WASL: variants seen among roughly 807,000 people sequenced by gnomAD.
WASL encodes WASP like actin nucleation promoting factor, also known as actin nucleation-promoting factor WASL.
A neutral mutation model predicts 55.5 loss-of-function variants in WASL; 20 were observed. The ratio of observed to expected loss-of-function variants is 0.36; its 90% CI spans 0.25 to 0.52. WASL has a LOEUF of 0.52. Ranked by LOEUF, WASL falls within the 20% of genes least tolerant of loss-of-function variation. The pLI is 0.92. For synonymous variants in WASL, 249 were observed against 217.6 expected, an observed-to-expected ratio of 1.14 and a Z score of -1.27; for missense variants, 504 against 622.5, an observed-to-expected ratio of 0.81 and a Z score of 2.03.
intron 1 of WASL, among the ~76,000 whole-genome samples, chr7:123,725,022 G>C (rs568478535): frequency 3.4e-4 from 52 of 152,124 alleles, no homozygotes; most frequent in African/African-American, 1.2e-3. Flanking sequence ...CCAATAGAAG[G>C]AAGTAGTGAG....
chr7:123,731,643 TAACA>T (rs1383019257), intron 1 of WASL, among the ~76,000 whole-genome samples: 1 of 152,072 alleles, frequency 6.6e-6, no homozygotes, highest in East Asian at 1.9e-4. Context: ...TATAAATCAG[TAACA>T]GACAGGAAAA....
intron 5 of WASL, among the ~76,000 whole-genome samples, chr7:123,700,384 C>T (rs1803568220): frequency 6.6e-6 from 1 of 151,262 alleles, no homozygotes; most frequent in Admixed American, 6.6e-5. Context: ...GTGACAGAAG[C>T]AAAAGTGTAT....
intron 10 of WASL, 49 bp downstream of exon 10, chr7:123,688,993 G>A (rs780449882): frequency 1.7e-5 from 24 of 1,429,844 alleles, no homozygotes; most frequent in African/African-American, 1.1e-4. Flanking sequence ...AAACACACAC[G>A]CACACTCTCT....
chr7:123,707,780 C>T (rs550953232), intron 2 of WASL, among the ~76,000 whole-genome samples: 2 of 152,238 alleles, frequency 1.3e-5, no homozygotes, highest in African/African-American at 4.8e-5. Context: ...ATGTGTTCCC[C>T]ACCCCCCAGA....
At chr7:123,687,447 C>T (rs996489609) in intron 10 of WASL, among the ~76,000 whole-genome samples, 4 of 152,132 alleles carry the variant, frequency 2.6e-5, no homozygotes, top group Non-Finnish European at 4.4e-5. Flanking sequence ...GTTTCTCAAC[C>T]TCACAGACTT....
chr7:123,704,164 A>AT (rs759507258), intron 5 of WASL, among the ~76,000 whole-genome samples: 19 of 152,290 alleles, frequency 1.2e-4, no homozygotes, highest in Non-Finnish European at 1.8e-4. Context: ...GTAGGTGTTC[A>AT]TTTTGAAAGG....
At chr7:123,720,650 ATT>A (rs374915810) in intron 1 of WASL, among the ~76,000 whole-genome samples, 22 of 137,406 alleles carry the variant, frequency 1.6e-4, no homozygotes, top group Non-Finnish European at 1.9e-4. Context: ...ACACTGTGGG[ATT>A]TTTTTTTTTT....
At chr7:123,719,400 A>C (rs759573267) in intron 1 of WASL, among the ~76,000 whole-genome samples, 4 of 152,188 alleles carry the variant, frequency 2.6e-5, no homozygotes, top group Non-Finnish European at 5.9e-5. Context: ...GTCACTGTTC[A>C]AACTTCAGCT....
chr7:123,685,078 CCTG>C (rs1251533847), intron 10 of WASL, among the ~76,000 whole-genome samples: 2 of 151,880 alleles, frequency 1.3e-5, no homozygotes, highest in African/African-American at 4.8e-5. Context: ...AATTATCAAG[CCTG>C]CTCTTTTTCA....
chr7:123,689,253 CA>C, intron 9 of WASL, 103 bp from the exon 10 acceptor site: 1 of 892,030 alleles, frequency 1.1e-6, no homozygotes. Flanking sequence ...TTGTAAAAGA[CA>C]AAAAAGATAT....
chr7:123,730,934 ATCT>A (rs1804126658), intron 1 of WASL, among the ~76,000 whole-genome samples: 1 of 152,120 alleles, frequency 6.6e-6, no homozygotes, highest in Non-Finnish European at 1.5e-5. Flanking sequence ...TAGTTTTTAA[ATCT>A]TCATCCTTCT....
At chr7:123,708,038 T>G (rs902716925) in intron 2 of WASL, among the ~76,000 whole-genome samples, 2 of 151,948 alleles carry the variant, frequency 1.3e-5, no homozygotes, top group Admixed American at 6.6e-5. Context: ...ATACAAAAAT[T>G]AGCCAGGTGT....
chr7:123,692,407 C>T lies in WASL; in HGVS notation c.1287G>A (p.Val429=), dbSNP rs371098145. Residue 429 remains valine, a synonymous_variant, in exon 9 of 11, where the codon GTG becomes GTA. Transcript: ENST00000223023. ...LKKVEQNSRP[V]SCSGRDALLD... The stretch of plus-strand genomic sequence containing the variant: ...ACAGTGCATCTCGTCCAGAGCAGGA[C>T]ACTGGCCGACTGTTCTGCTCCACTT... The T allele has an allele frequency of 2.6e-5, 42 of 1,613,828 alleles. No homozygotes were observed. The highest frequency in any genetic ancestry group is 3.3e-5 in the Non-Finnish European group (39 of 1,180,026).
At chr7:123,696,777 G>T in intron 5 of WASL, 30 bp from the exon 6 acceptor site, 2 of 1,391,738 alleles carry the variant, frequency 1.4e-6, no homozygotes, top group South Asian at 1.8e-5. Flanking sequence ...ATATAAAAGG[G>T]ATATAATTTA....
In WASL at chr7:123,731,897, GA is replaced by G. The variant is rs1007190096; in HGVS notation, c.117+16720del. 1.4e-4 allele frequency among the ~76,000 whole-genome samples: 21 copies of G among 151,436 alleles called. No homozygotes were observed. In the East Asian group the frequency reaches 4.1e-3, roughly 29 times the overall value. Reference sequence around the variant, plus strand: ...TAAACCCAAAGTTAGCAGATGAAAAGAAAAAAAGAATTATAGCAGAAATCAA... The same window carrying G: ...TAAACCCAAAGTTAGCAGATGAAAAGAAAAAAGAATTATAGCAGAAATCAA... On this transcript the variant is annotated intron_variant, in intron 1 of 10. Transcript: ENST00000223023.
intron 1 of WASL, among the ~76,000 whole-genome samples, chr7:123,746,793 T>TA (rs754019826): frequency 4.6e-4 from 70 of 152,382 alleles, no homozygotes; most frequent in Admixed American, 9.1e-4. Context: ...TCGAAACCAG[T>TA]AAAACTACAG....
chr7:123,689,778 T>C (rs1054685149), intron 9 of WASL, among the ~76,000 whole-genome samples: 1 of 121,886 alleles, frequency 8.2e-6, no homozygotes, highest in Non-Finnish European at 1.8e-5. Context: ...CCAAAGTGCA[T>C]TCATGAAAAA....
intron 10 of WASL, among the ~76,000 whole-genome samples, chr7:123,685,319 C>T (rs1230660391): frequency 6.6e-6 from 1 of 151,876 alleles, no homozygotes; most frequent in Admixed American, 6.6e-5. Flanking sequence ...GTTATTGTCT[C>T]TCTCTCTCCC....
At chr7:123,714,132 A>G (rs1227663164) in intron 1 of WASL, among the ~76,000 whole-genome samples, 1 of 152,230 alleles carries the variant, frequency 6.6e-6, no homozygotes, top group Non-Finnish European at 1.5e-5. Context: ...AATGTTCTAA[A>G]TAATTAAAGT....
Sources: allele counts gnomAD v4.1 joint callset (sites outside exome capture counted in the v4.1 genomes callset), GRCh38; gene constraint gnomAD v4.1.1; transcripts MANE v1.5; gene names NCBI Gene and HGNC (gene_info 2026-07-23, HGNC 2026-07-21).